DYNC2H1: variants seen among roughly 807,000 people sequenced by gnomAD.
The protein encoded by DYNC2H1 is cytoplasmic dynein 2 heavy chain 1.
A neutral mutation model predicts 570.0 loss-of-function variants in DYNC2H1; 410 were observed. That is an observed-to-expected ratio of 0.72 (90% CI 0.66 to 0.78). The LOEUF (loss-of-function observed/expected upper bound fraction) is 0.78, where lower values mean the gene tolerates loss of function less well. Among genes scored for constraint, DYNC2H1 ranks in the 30% least tolerant of loss-of-function variants. DYNC2H1 has a pLI of 0.00. For missense variants in DYNC2H1, 4,865 were observed against 5,046.4 expected, an observed-to-expected ratio of 0.96 and a Z score of 1.09; for synonymous variants, 1,688 against 1,677.6, an observed-to-expected ratio of 1.01 and a Z score of -0.15.
chr11:103,230,564 A>G (rs1340118006), intron 59 of DYNC2H1, among the ~76,000 whole-genome samples: 3 of 151,968 alleles, frequency 2.0e-5, no homozygotes, highest in Admixed American at 6.6e-5. Flanking sequence ...CTGAGGTCCA[A>G]CTCTTTGTAA....
In DYNC2H1 at chr11:103,307,432, A is replaced by T. The variant is rs72975630; in HGVS notation, c.11383-289A>T. Among the ~76,000 whole-genome samples the T allele has an allele frequency of 0.051, 7,814 of 152,202 alleles. 256 individuals carry two copies. The highest frequency in any genetic ancestry group is 0.075 in the Non-Finnish European group (5,089 of 67,952). ...ATTCTTTGTGATAGGTGCTATTATT[A>T]TCCTTGTTTAGAGATGGAATAAGTC... On this transcript the variant is annotated intron_variant, in intron 77 of 88. Transcript: ENST00000375735.
chr11:103,358,388 T>C lies in DYNC2H1; in HGVS notation c.12156+29T>C. The C allele has an allele frequency of 3.4e-6, 5 of 1,460,218 alleles. No individual in the cohort carries two copies. The South Asian group carries it at 4.9e-5, about 14-fold the overall frequency. 90.5% of individuals were successfully genotyped at this position (1,460,218 alleles called of 1,614,324 possible). A position where few individuals can be genotyped will look rare whatever the true frequency, so the allele number is the denominator to read the frequency against. On this transcript the variant is annotated intron_variant, in intron 83 of 88. Coordinates refer to ENST00000375735, the MANE Select transcript of DYNC2H1 (RefSeq NM_001377.3). ...AGTAGTGGAATATTCTTCTGATTCT[T>C]TTGCTTTTTCTCCCGCATCGTAACC...
At position 103,303,203 on chromosome 11, in the gene DYNC2H1, G is replaced by A. The variant is rs1867123574; in HGVS notation, c.11206G>A (p.Glu3736Lys). Residue 3736 changes from glutamate to lysine, a missense_variant, in exon 76 of 89, where the codon GAA (glutamate) becomes AAA (lysine). Coordinates refer to ENST00000375735, the MANE Select transcript of DYNC2H1 (RefSeq NM_001377.3). ...IISPGADPSQ[E>K]LQELANAERS... ...TTCTCCGGGTGCTGATCCTTCTCAG[G>A]AACTTCAAGAACTAGCTAATGCTGA... 6.2e-7 allele frequency: 1 copy of A among 1,612,518 alleles called. No individual in the cohort carries two copies. The highest frequency in any genetic ancestry group is 1.3e-5 in the African/African-American group (1 of 74,834).
intron 48 of DYNC2H1, among the ~76,000 whole-genome samples, chr11:103,198,664 C>T (rs1344997861): frequency 2.0e-5 from 3 of 152,142 alleles, no homozygotes; most frequent in South Asian, 2.1e-4. Flanking sequence ...TAAACTGATT[C>T]GCCTGGAATG....
intron 34 of DYNC2H1, among the ~76,000 whole-genome samples, chr11:103,171,947 A>G (rs1050104499): frequency 2.0e-5 from 3 of 152,214 alleles, no homozygotes; most frequent in South Asian, 2.1e-4. Context: ...TAGGAGATAT[A>G]CATTAATGTC....
chr11:103,381,231 T>C (rs1941632460), intron 83 of DYNC2H1, among the ~76,000 whole-genome samples: 1 of 152,136 alleles, frequency 6.6e-6, no homozygotes, highest in African/African-American at 2.4e-5. Flanking sequence ...AGTCAAAACA[T>C]GTTTCAAAAG....
intron 82 of DYNC2H1, among the ~76,000 whole-genome samples, chr11:103,346,247 T>A (rs1029275367): frequency 2.6e-5 from 4 of 152,218 alleles, no homozygotes; most frequent in Non-Finnish European, 5.9e-5. Flanking sequence ...TGGTTTTTCA[T>A]CAGTTATTAG....
Position 103,255,519 on chromosome 11 carries a change from A to C in DYNC2H1, c.10311A>C (p.Glu3437Asp). The change falls in exon 67 of 89, where the codon GAA becomes GAC. Residue 3437 changes from glutamate (E) to aspartate (D), a missense_variant. Transcript: ENST00000375735. Reference sequence around the variant, plus strand: ...AGAAAATACAGCTAGCCAAGCTCGAAGAATCTCTTCTAGAGGTAAAAGTCT... The same window carrying C: ...AGAAAATACAGCTAGCCAAGCTCGACGAATCTCTTCTAGAGGTAAAAGTCT... The part of the protein sequence containing the change: ...EDKKIQLAKL[E>D]ESLLETLATS... 6.4e-7 allele frequency: 1 copy of C among 1,556,464 alleles called. No homozygotes were observed. The highest frequency in any genetic ancestry group is 8.7e-7 in the Non-Finnish European group (1 of 1,149,368).
intron 75 of DYNC2H1, among the ~76,000 whole-genome samples, chr11:103,301,133 G>A (rs573211804): frequency 5.9e-5 from 9 of 151,806 alleles, no homozygotes; most frequent in Admixed American, 1.3e-4. Context: ...CAAATCTCTT[G>A]AATGGTCTGA....
At chr11:103,134,191 T>C in intron 14 of DYNC2H1, 130 bp from the exon 15 acceptor site, 1 of 692,042 alleles carries the variant, frequency 1.4e-6, no homozygotes, top group South Asian at 2.1e-5. Context: ...TGGTCAAGTA[T>C]TGATATGTCT....
intron 70 of DYNC2H1, among the ~76,000 whole-genome samples, chr11:103,272,478 C>T (rs771755014): frequency 3.9e-5 from 6 of 151,980 alleles, no homozygotes; most frequent in South Asian, 2.1e-4. Flanking sequence ...ATGTAAATGA[C>T]GAGTTAATGG....
chr11:103,137,341 A>G (rs917663843), intron 17 of DYNC2H1, among the ~76,000 whole-genome samples: 10 of 150,582 alleles, frequency 6.6e-5, no homozygotes, highest in African/African-American at 2.4e-4. Flanking sequence ...GTTTTCTTCT[A>G]GGGTTTTTAT....
At chr11:103,154,919 C>A in intron 24 of DYNC2H1, 110 bp downstream of exon 24, 1 of 797,788 alleles carries the variant, frequency 1.3e-6, no homozygotes, top group Non-Finnish European at 1.8e-6. Flanking sequence ...TTAAATTATT[C>A]CGTTTGATGA....
At chr11:103,212,016 G>C in intron 54 of DYNC2H1, 73 bp downstream of exon 54, 1 of 1,313,620 alleles carries the variant, frequency 7.6e-7, no homozygotes, top group Non-Finnish European at 9.8e-7. Flanking sequence ...ACAATGCTAT[G>C]TTGCGGGTGG....
At chr11:103,343,936 A>G (rs1298530788) in intron 82 of DYNC2H1, among the ~76,000 whole-genome samples, 1 of 152,212 alleles carries the variant, frequency 6.6e-6, no homozygotes, top group African/African-American at 2.4e-5. Flanking sequence ...CACTTCAACA[A>G]TTTCTACCTG....
At chr11:103,462,153 T>C (rs1018957919) in intron 87 of DYNC2H1, among the ~76,000 whole-genome samples, 1 of 152,192 alleles carries the variant, frequency 6.6e-6, no homozygotes, top group Non-Finnish European at 1.5e-5. Context: ...ACCTTTCATT[T>C]ATTACCACTG....
chr11:103,206,869 G>C (rs1285736751), intron 52 of DYNC2H1, among the ~76,000 whole-genome samples: 2 of 152,062 alleles, frequency 1.3e-5, no homozygotes, highest in African/African-American at 2.4e-5. Context: ...AAGGAATTTT[G>C]TTTAAAGGAT....
At position 103,479,170 on chromosome 11, in the gene DYNC2H1, G is replaced by A. The variant is rs746183208; in HGVS notation, c.12841G>A (p.Val4281Ile). 1.9e-6 allele frequency: 3 copies of A among 1,613,766 alleles called. No individual in the cohort carries two copies. Among genetic ancestry groups the A allele is most frequent in the Non-Finnish European group, 2.5e-6 (3 of 1,179,862 alleles). ...CACAAGTGCTGAAAGGGATCGTGTG[G>A]TTACCAATATTGATGTTCCATGTGG... The part of the protein sequence containing the change: ...VYTSAERDRV[V>I]TNIDVPCGGN... Residue 4281 changes from valine (V) to isoleucine (I), a missense_variant, in exon 89 of 89, where the codon GTT (valine) becomes ATT (isoleucine). By Grantham distance (29) the Val-to-Ile change is conservative (BLOSUM62 3). Transcript: ENST00000375735.
chr11:103,376,357 T>G (rs1941392311), intron 83 of DYNC2H1, among the ~76,000 whole-genome samples: 1 of 152,264 alleles, frequency 6.6e-6, no homozygotes, highest in Non-Finnish European at 1.5e-5. Flanking sequence ...TTTTGCTAAA[T>G]GTTTTCTGGT....
Sources: gnomAD v4.1 joint callset for allele counts (sites outside exome capture counted in the v4.1 genomes callset) on GRCh38, gnomAD v4.1.1 for gene constraint, MANE v1.5 for transcripts, NCBI Gene and HGNC (gene_info 2026-07-23, HGNC 2026-07-21) for gene names.